CHP1: variants seen among roughly 807,000 people sequenced by gnomAD.
CHP1 encodes the protein calcineurin B homologous protein 1.
CHP1 carries 11 observed loss-of-function variants against 27.4 expected under a neutral mutation model. The ratio of observed to expected loss-of-function variants is 0.40; its 90% CI spans 0.25 to 0.67. The LOEUF is 0.67. CHP1 is among the 30% of genes least tolerant of loss of function. The pLI is 0.38. For missense variants in CHP1, 169 were observed against 251.3 expected (o/e 0.67, Z 2.22); for synonymous variants, 89 against 87.4 (o/e 1.02, Z -0.10).
At chr15:41,263,169 T>A (rs1052792825) in intron 4 of CHP1, among the ~76,000 whole-genome samples, 14 of 152,224 alleles carry the variant, frequency 9.2e-5, no homozygotes, top group Admixed American at 3.3e-4. Context: ...TTAATAAATG[T>A]CAAGTGCTTC....
At chr15:41,244,497 G>C (rs1441250347) in intron 2 of CHP1, among the ~76,000 whole-genome samples, 3 of 152,100 alleles carry the variant, frequency 2.0e-5, no homozygotes, top group Non-Finnish European at 4.4e-5. Flanking sequence ...TGTTCAGTAT[G>C]TTAGTCTAGA....
At position 41,242,761 on chromosome 15, in the gene CHP1, T is replaced by C. The variant is rs149953794; in HGVS notation, c.68-906T>C. Among the ~76,000 whole-genome samples, 125 of 151,280 alleles carry C rather than the reference T, an allele frequency of 8.3e-4. 1 individual carries two copies. Among genetic ancestry groups the C allele is most frequent in the African/African-American group, 3.0e-3 (122 of 41,142 alleles). On this transcript the variant is annotated intron_variant, in intron 1 of 6. Transcript: ENST00000334660. ...GAGTTCAAGACCATCCTGGTCAACA[T>C]GGCAAAACCCTGTCTCTACTAAAAA... is the stretch of plus-strand genomic sequence containing the variant.
chr15:41,246,949 G>C (rs1024514290), intron 2 of CHP1, among the ~76,000 whole-genome samples: 6 of 150,312 alleles, frequency 4.0e-5, no homozygotes, highest in African/African-American at 1.5e-4. Flanking sequence ...ACTTTGGGAG[G>C]CTGAGACGGG....
At position 41,250,304 on chromosome 15, in the gene CHP1, C is replaced by T. The variant is rs80148767; in HGVS notation, c.140+6565C>T. Reference sequence around the variant, plus strand: ...ACCATCTCTTCAGATTGATATTTCACGGAATATAAATATACACTGTAACCT... The same window carrying T: ...ACCATCTCTTCAGATTGATATTTCATGGAATATAAATATACACTGTAACCT... On this transcript the variant is annotated intron_variant, in intron 2 of 6. Transcript: ENST00000334660. 5.0e-3 allele frequency among the ~76,000 whole-genome samples: 755 copies of T among 152,146 alleles called. 6 individuals carry two copies. Among genetic ancestry groups the T allele is most frequent in the East Asian group, 0.024 (125 of 5,186 alleles).
intron 1 of CHP1, among the ~76,000 whole-genome samples, chr15:41,234,436 C>G (rs1425687629): frequency 6.6e-6 from 1 of 152,166 alleles, no homozygotes; most frequent in Non-Finnish European, 1.5e-5. Context: ...AGACATTTTA[C>G]TACTTCCTTT....
At chr15:41,278,668 C>T in intron 5 of CHP1, 99 bp from the exon 6 acceptor site, 1 of 1,468,116 alleles carries the variant, frequency 6.8e-7, no homozygotes, top group South Asian at 1.2e-5. Context: ...TTGAGGGCAT[C>T]AAAGGAAAAG....
At chr15:41,240,581 C>T (rs1216356248) in intron 1 of CHP1, among the ~76,000 whole-genome samples, 1 of 151,912 alleles carries the variant, frequency 6.6e-6, no homozygotes, top group Non-Finnish European at 1.5e-5. Context: ...TGGAGAAACC[C>T]TGTCTCTACT....
intron 1 of CHP1, among the ~76,000 whole-genome samples, chr15:41,242,160 A>G (rs547288043): frequency 5.2e-4 from 79 of 152,274 alleles, no homozygotes; most frequent in African/African-American, 1.8e-3. Flanking sequence ...TAGCATGACC[A>G]TTTTACGAAT....
chr15:41,276,517 CA>C (rs973517121), intron 5 of CHP1, among the ~76,000 whole-genome samples: 28 of 152,248 alleles, frequency 1.8e-4, no homozygotes, highest in African/African-American at 6.5e-4. Flanking sequence ...AAGCAATTTT[CA>C]AAGTATGTTC....
At chr15:41,248,803 A>G (rs973813957) in intron 2 of CHP1, among the ~76,000 whole-genome samples, 4 of 152,210 alleles carry the variant, frequency 2.6e-5, no homozygotes, top group Admixed American at 1.3e-4. Flanking sequence ...TACCTAGAAG[A>G]AATTAGCCAA....
chr15:41,248,562 G>A (rs919851888), intron 2 of CHP1, among the ~76,000 whole-genome samples: 5 of 152,110 alleles, frequency 3.3e-5, no homozygotes, highest in African/African-American at 1.2e-4. Flanking sequence ...CACTGTACCT[G>A]GCCTGAAAGC....
Position 41,254,506 on chromosome 15 carries a change from G to A in CHP1, c.141-2404G>A, listed in dbSNP as rs551261347. On this transcript the variant is annotated intron_variant, in intron 2 of 6. Transcript: ENST00000334660. The stretch of plus-strand genomic sequence containing the variant: ...ATTATGTAATAAAAGCTTAGTACAT[G>A]TTTGTTGAATTAAATAATCAGGACC... 3.9e-5 allele frequency among the ~76,000 whole-genome samples: 6 copies of A among 152,310 alleles called. No individual in the cohort carries two copies. The South Asian group carries it at 1.2e-3, about 32-fold the overall frequency.
chr15:41,260,869 A>G (rs998773070), intron 3 of CHP1, among the ~76,000 whole-genome samples: 1 of 152,064 alleles, frequency 6.6e-6, no homozygotes, highest in Non-Finnish European at 1.5e-5. Context: ...AAAGCATAGA[A>G]AAGTTACTAG....
At chr15:41,237,292 A>G (rs1181503099) in intron 1 of CHP1, among the ~76,000 whole-genome samples, 1 of 149,810 alleles carries the variant, frequency 6.7e-6, no homozygotes, top group Non-Finnish European at 1.5e-5. Flanking sequence ...GATTACAGGC[A>G]TGTGCCACCA....
At chr15:41,274,329 G>A (rs983800706) in intron 5 of CHP1, among the ~76,000 whole-genome samples, 3 of 152,184 alleles carry the variant, frequency 2.0e-5, no homozygotes, top group Non-Finnish European at 4.4e-5. Context: ...GGGAATGGAG[G>A]CCTGGGCAGA....
In CHP1 at chr15:41,256,962, C is replaced by T. The variant is rs1413711960; in HGVS notation, c.193C>T (p.Arg65Trp). The T allele has an allele frequency of 2.5e-6, 4 of 1,613,918 alleles. No individual in the cohort carries two copies. Among genetic ancestry groups the T allele is most frequent in the African/African-American group, 1.3e-5 (1 of 74,906 alleles). ...PELAINPLGDRIINAFFPEGE... is the reference protein window; with the variant it reads ...PELAINPLGDWIINAFFPEGE... ...ACTTGCCATCAACCCACTGGGGGAC[C>T]GGATCATCAATGCCTTCTTTCCAGA... Residue 65 changes from arginine to tryptophan, a missense_variant, in exon 3 of 7, where the codon CGG becomes TGG. Physicochemically the swap from Arg to Trp is moderately radical, Grantham distance 101 (BLOSUM62 -3). Transcript: ENST00000334660.
intron 3 of CHP1, among the ~76,000 whole-genome samples, chr15:41,260,443 G>T: frequency 6.7e-6 from 1 of 148,430 alleles, no homozygotes; most frequent in South Asian, 2.1e-4. Flanking sequence ...CACCCAGGCT[G>T]GAGTGCAGTG....
chr15:41,236,509 A>G (rs1445802073), intron 1 of CHP1, among the ~76,000 whole-genome samples: 11 of 151,912 alleles, frequency 7.2e-5, no homozygotes, highest in Non-Finnish European at 1.6e-4. Flanking sequence ...TGGTCCGCTC[A>G]TCCCAGTCCC....
chr15:41,244,729 T>C (rs2047325054), intron 2 of CHP1, among the ~76,000 whole-genome samples: 2 of 152,198 alleles, frequency 1.3e-5, no homozygotes, highest in African/African-American at 4.8e-5. Flanking sequence ...GGTAAGTATA[T>C]GATATCAGAG....
Sources: allele counts gnomAD v4.1 joint callset (sites outside exome capture counted in the v4.1 genomes callset), GRCh38; gene constraint gnomAD v4.1.1; transcripts MANE v1.5; gene names NCBI Gene and HGNC (gene_info 2026-07-23, HGNC 2026-07-21).